THSD7B: variants seen among roughly 807,000 people sequenced by gnomAD.
THSD7B encodes thrombospondin type-1 domain-containing protein 7B.
Under a neutral mutation model 213.6 loss-of-function variants are expected in THSD7B, and 138 were observed. That is an observed-to-expected ratio of 0.65 (90% CI 0.56 to 0.74). The LOEUF (loss-of-function observed/expected upper bound fraction) is 0.74. THSD7B is among the 30% of genes least tolerant of loss of function. The pLI is 0.00. For synonymous variants in THSD7B, 742 were observed against 687.0 expected, an observed-to-expected ratio of 1.08 and a Z score of -1.25; for missense variants, 1,931 against 1,991.5, an observed-to-expected ratio of 0.97 and a Z score of 0.58.
chr2:137,161,901 A>G (rs928056739), intron 6 of THSD7B, among the ~76,000 whole-genome samples: 3 of 152,120 alleles, frequency 2.0e-5, no homozygotes, highest in Non-Finnish European at 2.9e-5. Context: ...TGTTTAGGTC[A>G]CTGTCCAGAA....
rs1485933573 is a variant in THSD7B, at chr2:136,863,698, G to A, written c.-35-18446G>A. ...GGTTGGCTTAGGGTCTTAGGAAGAGGGTTCCAGCCACAACTATTAGAGGTA... is the reference window on the plus strand; with the variant it reads ...GGTTGGCTTAGGGTCTTAGGAAGAGAGTTCCAGCCACAACTATTAGAGGTA... On this transcript the variant is annotated intron_variant, in intron 1 of 27. Transcript: ENST00000409968. Among the ~76,000 whole-genome samples, 3 of 152,116 alleles carry A rather than the reference G, an allele frequency of 2.0e-5. No individual in the cohort carries two copies. In the East Asian group the frequency reaches 5.8e-4, roughly 29 times the overall value.
chr2:137,576,704 A>G (rs570363701), intron 17 of THSD7B, among the ~76,000 whole-genome samples: 2 of 152,158 alleles, frequency 1.3e-5, no homozygotes, highest in African/African-American at 4.8e-5. Flanking sequence ...TTATTTCTTC[A>G]GGCAAATGCC....
At chr2:137,404,353 C>G (rs552213484) in intron 12 of THSD7B, among the ~76,000 whole-genome samples, 1 of 148,126 alleles carries the variant, frequency 6.8e-6, no homozygotes, top group East Asian at 2.0e-4. Context: ...ATGTTTATAG[C>G]AGCACAAGTC....
rs1382904353 is a variant in THSD7B at position 136,893,062 on chromosome 2, A to G, written c.139+10745A>G. ...AGGGAGTGAAAATTATACCTATGTC[A>G]TGTCTTCCACATTAACGGGAAGTCT... On this transcript the variant is annotated intron_variant, in intron 2 of 27. Coordinates refer to ENST00000409968, the MANE Select transcript of THSD7B (RefSeq NM_001316349.2). Among the ~76,000 whole-genome samples the G allele has an allele frequency of 4.6e-5, 7 of 152,100 alleles. No homozygotes were observed. In the East Asian group the frequency reaches 5.8e-4, roughly 13 times the overall value.
At chr2:137,254,456 C>T (rs1682258159) in intron 10 of THSD7B, among the ~76,000 whole-genome samples, 1 of 152,262 alleles carries the variant, frequency 6.6e-6, no homozygotes, top group Middle Eastern at 3.4e-3. Context: ...TGAATGACCA[C>T]AATGCTTTTG....
At chr2:137,054,191 T>C (rs1190217811) in intron 2 of THSD7B, among the ~76,000 whole-genome samples, 1 of 152,228 alleles carries the variant, frequency 6.6e-6, no homozygotes, top group Admixed American at 6.5e-5. Flanking sequence ...GTGTTCTCTA[T>C]ACTATAAGCA....
intron 10 of THSD7B, among the ~76,000 whole-genome samples, chr2:137,255,389 A>G (rs993964706): frequency 3.9e-5 from 6 of 152,130 alleles, no homozygotes; most frequent in Admixed American, 6.5e-5. Flanking sequence ...GAAATGTATC[A>G]GTTTCTTGTT....
At chr2:136,914,545 A>T (rs1013225564) in intron 2 of THSD7B, among the ~76,000 whole-genome samples, 1 of 152,104 alleles carries the variant, frequency 6.6e-6, no homozygotes, top group Non-Finnish European at 1.5e-5. Context: ...TGTGGGAGAG[A>T]CCTGTTGGGA....
At chr2:137,626,374 G>T (rs1682630040) in intron 20 of THSD7B, among the ~76,000 whole-genome samples, 1 of 150,896 alleles carries the variant, frequency 6.6e-6, no homozygotes, top group Non-Finnish European at 1.5e-5. Flanking sequence ...TGAGGCAGGA[G>T]AATGGCGTGA....
intron 2 of THSD7B, among the ~76,000 whole-genome samples, chr2:137,055,368 GTCT>G (rs1687144952): frequency 6.6e-6 from 1 of 152,130 alleles, no homozygotes; most frequent in Non-Finnish European, 1.5e-5. Flanking sequence ...TCACCACACT[GTCT>G]TTCACTATGG....
chr2:137,333,554 A>G (rs1046129870), intron 12 of THSD7B, among the ~76,000 whole-genome samples: 34 of 152,164 alleles, frequency 2.2e-4, no homozygotes, highest in Admixed American at 1.7e-3. Flanking sequence ...GGCCCTTGGC[A>G]CATCCTGCAC....
At chr2:137,167,828 A>G (rs762031392) in intron 6 of THSD7B, among the ~76,000 whole-genome samples, 35 of 152,170 alleles carry the variant, frequency 2.3e-4, no homozygotes, top group Non-Finnish European at 4.3e-4. Flanking sequence ...CCACTGTCCA[A>G]TCTACTCACC....
chr2:137,199,901 A>G (rs1291003261), intron 7 of THSD7B, among the ~76,000 whole-genome samples: 1 of 152,184 alleles, frequency 6.6e-6, no homozygotes, highest in Non-Finnish European at 1.5e-5. Flanking sequence ...AGGTGGCTAG[A>G]ATGATTAATG....
At chr2:136,891,559 T>C (rs748135094) in intron 2 of THSD7B, among the ~76,000 whole-genome samples, 10 of 152,208 alleles carry the variant, frequency 6.6e-5, no homozygotes, top group Non-Finnish European at 1.0e-4. Flanking sequence ...AGCTCAGACC[T>C]CTCTTATGTG....
chr2:136,928,042 A>T (rs982658626), intron 2 of THSD7B, among the ~76,000 whole-genome samples: 2 of 152,180 alleles, frequency 1.3e-5, no homozygotes, highest in African/African-American at 4.8e-5. Context: ...ACAGTTGTGA[A>T]GTTTTTAATA....
rs1462610209 is a variant in THSD7B at position 137,583,512 on chromosome 2, T to C, written c.3423+10956T>C. On this transcript the variant is annotated intron_variant, in intron 17 of 27. Coordinates refer to ENST00000409968, the MANE Select transcript of THSD7B (RefSeq NM_001316349.2). ...CTTAAATCCATCTTGAATTAATTTT[T>C]GTATAAGGTGTGAGGAAGGGATCCA... Among the ~76,000 whole-genome samples, 10 of 152,352 alleles carry C rather than the reference T, an allele frequency of 6.6e-5. No homozygotes were observed. In the East Asian group the frequency reaches 1.9e-3, roughly 29 times the overall value.
intron 7 of THSD7B, among the ~76,000 whole-genome samples, chr2:137,219,705 C>A (rs532292949): frequency 2.6e-5 from 4 of 152,296 alleles, no homozygotes; most frequent in East Asian, 3.9e-4. Context: ...GACTAAACAT[C>A]TTTCCCTTTA....
chr2:137,388,369 T>A (rs957146119), intron 12 of THSD7B, among the ~76,000 whole-genome samples: 3 of 152,042 alleles, frequency 2.0e-5, no homozygotes, highest in African/African-American at 7.2e-5. Context: ...GAGTGACCCT[T>A]AATTCTTTTT....
At chr2:137,649,819 G>A (rs1264192022) in intron 21 of THSD7B, among the ~76,000 whole-genome samples, 1 of 152,120 alleles carries the variant, frequency 6.6e-6, no homozygotes. Flanking sequence ...GTTTCAGCTG[G>A]ACACAGTGGC....
Sources: allele counts gnomAD v4.1 joint callset (sites outside exome capture counted in the v4.1 genomes callset), GRCh38; gene constraint gnomAD v4.1.1; transcripts MANE v1.5; gene names NCBI Gene and HGNC (gene_info 2026-07-23, HGNC 2026-07-21).